The following CYB5RL variants were observed in gnomAD, a reference collection of about 807,000 sequenced individuals.
The protein encoded by CYB5RL is cytochrome b5 reductase like, also known as NADH-cytochrome b5 reductase-like.
Under a neutral mutation model 37.5 loss-of-function variants are expected in CYB5RL, and 38 were observed. That is an observed-to-expected ratio of 1.01 (90% CI 0.78 to 1.33). CYB5RL has a LOEUF of 1.33. Among genes scored for constraint, CYB5RL ranks in the 40% most tolerant of loss-of-function variants. The probability of loss-of-function intolerance (pLI) is 0.00; values close to 1 mark genes in which losing one functional copy is unlikely to be tolerated. For missense variants in CYB5RL, 388 were observed against 394.4 expected, an observed-to-expected ratio of 0.98 and a Z score of 0.14; for synonymous variants, 141 against 151.9, an observed-to-expected ratio of 0.93 and a Z score of 0.53.
intron 4 of CYB5RL, among the ~76,000 whole-genome samples, chr1:54,188,792 A>G (rs185080269): frequency 6.6e-6 from 1 of 152,156 alleles, no homozygotes; most frequent in African/African-American, 2.4e-5. Context: ...CTCAAGTCCT[A>G]CTACGTACAA....
intron 6 of CYB5RL, among the ~76,000 whole-genome samples, chr1:54,181,848 G>A (rs1240272039): frequency 1.3e-5 from 2 of 152,226 alleles, no homozygotes; most frequent in Non-Finnish European, 2.9e-5. Context: ...AGCTACTTGG[G>A]AGGCTGAGGC....
chr1:54,182,692 G>GGT (rs1169025269), intron 6 of CYB5RL, among the ~76,000 whole-genome samples: 5 of 152,264 alleles, frequency 3.3e-5, no homozygotes, highest in African/African-American at 1.2e-4. Flanking sequence ...TGGGATTACA[G>GGT]GTGTGTGCCA....
chr1:54,182,134 G>A (rs927050537), intron 6 of CYB5RL, among the ~76,000 whole-genome samples: 3 of 152,192 alleles, frequency 2.0e-5, no homozygotes, highest in African/African-American at 7.2e-5. Flanking sequence ...AAGCATCTGG[G>A]GGATGCAGGG....
chr1:54,177,227 G>A (rs868758077), intron 7 of CYB5RL, among the ~76,000 whole-genome samples: 9 of 152,064 alleles, frequency 5.9e-5, no homozygotes, highest in Non-Finnish European at 7.4e-5. Flanking sequence ...TGGCTGGTAC[G>A]GGGAGACTCT....
At position 54,195,490 on chromosome 1, in the gene CYB5RL, G is replaced by A. The variant is rs200848024; in HGVS notation, c.127C>T (p.Arg43Ter). The A allele has an allele frequency of 1.6e-4, 254 of 1,613,250 alleles. No homozygotes were observed. The highest frequency in any genetic ancestry group is 6.6e-4 in the Middle Eastern group (4 of 6,060). Residue 43 changes from arginine (R) to a stop codon, truncating the protein, a stop_gained, in exon 3 of 8, where the codon CGA becomes TGA. Coordinates refer to ENST00000534324, the MANE Select transcript of CYB5RL (RefSeq NM_001031672.4). LOFTEE classifies it high-confidence loss of function. ...GCTGCCTCCCACCTTGCCAGATCTC[G>A]GTGATAGAGGTCAAACACACAGGGT... Reference protein sequence around the residue: ...CSPCVFDLYHRDLARWEAAQA... With the variant: ...CSPCVFDLYH
chr1:54,177,139 G>GC (rs906344919), intron 7 of CYB5RL, among the ~76,000 whole-genome samples: 49 of 152,260 alleles, frequency 3.2e-4, no homozygotes, highest in African/African-American at 1.2e-3. Flanking sequence ...AGGGAGCCAG[G>GC]CAAGGGCTAG....
chr1:54,190,472 A>C lies in CYB5RL; in HGVS notation c.347+276T>G, dbSNP rs984280234. 1.3e-4 allele frequency: 75 copies of C among 591,606 alleles called. 1 individual carries two copies. In the African/African-American group the frequency reaches 1.3e-3, roughly 10 times the overall value. The allele number at this position is 591,606 out of a possible 1,614,324, so 36.6% of individuals were successfully genotyped here. ...TCTGGGGTATAACTGCACCTACCAC[A>C]CAGGATTTTGTGAGGGTTAAATGAT... is the stretch of plus-strand genomic sequence containing the variant. On this transcript the variant is annotated intron_variant, in intron 4 of 7. Transcript: ENST00000534324.
In CYB5RL at chr1:54,171,085, C is replaced by T. The variant is rs1326519316; in HGVS notation, c.*3534G>A. 11 of 454,780 alleles carry T rather than the reference C, an allele frequency of 2.4e-5. No homozygotes were observed. Among genetic ancestry groups the T allele is most frequent in the Non-Finnish European group, 4.4e-5 (10 of 226,012 alleles). 28.2% of individuals were successfully genotyped at this position (454,780 alleles called of 1,614,324 possible). A position where few individuals can be genotyped will look rare whatever the true frequency, so the allele number is the denominator to read the frequency against. On this transcript the variant is annotated 3_prime_UTR_variant, in exon 8 of 8. Coordinates refer to ENST00000534324, the MANE Select transcript of CYB5RL (RefSeq NM_001031672.4). ...CAGCGACAGAAAAGCACACAAGCCT[C>T]TCTGCTCACTGACCAAGCTGGAGTG...
chr1:54,195,662 A>C lies in CYB5RL; in HGVS notation c.-46T>G, dbSNP rs1369966652. Reference sequence around the variant, plus strand: ...AGAAGGAACAACTGGGTGCTCTTCCAGAACAGGCCAGGCTCTATGAGACCA... The same window carrying C: ...AGAAGGAACAACTGGGTGCTCTTCCCGAACAGGCCAGGCTCTATGAGACCA... On this transcript the variant is annotated 5_prime_UTR_variant, in exon 3 of 8. Coordinates refer to ENST00000534324, the MANE Select transcript of CYB5RL (RefSeq NM_001031672.4). The C allele has an allele frequency of 3.2e-6, 5 of 1,560,486 alleles. No homozygotes were observed. The Admixed American group carries it at 5.3e-5, about 17-fold the overall frequency.
chr1:54,195,399 C>T lies in CYB5RL; in HGVS notation c.198+20G>A, dbSNP rs3820111. On this transcript the variant is annotated intron_variant, in intron 3 of 7. Transcript: ENST00000534324. ...TAGATTGTTGCCCTGGTGCTCATAT[C>T]GAGAAGCAGCCTCTCTCACCTGTGA... 237 of 1,553,422 alleles carry T rather than the reference C, an allele frequency of 1.5e-4. 1 individual carries two copies. In the East Asian group the frequency reaches 3.6e-3, roughly 24 times the overall value.
intron 5 of CYB5RL, 155 bp from the exon 6 acceptor site, chr1:54,184,420 C>T (rs1660241140): frequency 1.6e-6 from 1 of 637,538 alleles, no homozygotes; most frequent in Non-Finnish European, 2.7e-6. Flanking sequence ...TTGGTACAGC[C>T]ATTCCCAATT....
rs929508428 is a variant in CYB5RL, at chr1:54,179,428, C to T, written c.541-76G>A. On this transcript the variant is annotated intron_variant, in intron 6 of 7. Transcript: ENST00000534324. The stretch of plus-strand genomic sequence containing the variant: ...TTATCCCCTCTACTATGGGACTTTT[C>T]CTTGAGCTTCCTTCAACTGGACGGC... 14 of 1,441,250 alleles carry T rather than the reference C, an allele frequency of 9.7e-6. No individual in the cohort carries two copies. In the Admixed American group the frequency reaches 1.2e-4, roughly 12 times the overall value. The allele number at this position is 1,441,250 out of a possible 1,614,324, so 89.3% of individuals were successfully genotyped here.
intron 6 of CYB5RL, among the ~76,000 whole-genome samples, chr1:54,183,796 A>G (rs796557856): frequency 1.3e-5 from 2 of 152,080 alleles, no homozygotes; most frequent in South Asian, 4.1e-4. Flanking sequence ...ACCAACATGG[A>G]GAAACCCTGT....
At chr1:54,183,066 T>C (rs894925240) in intron 6 of CYB5RL, among the ~76,000 whole-genome samples, 5 of 152,238 alleles carry the variant, frequency 3.3e-5, no homozygotes, top group Non-Finnish European at 7.3e-5. Context: ...TTTCATATTT[T>C]CTCTGTGCAT....
At chr1:54,177,774 C>T (rs1254419518) in intron 7 of CYB5RL, among the ~76,000 whole-genome samples, 1 of 152,192 alleles carries the variant, frequency 6.6e-6, no homozygotes, top group East Asian at 1.9e-4. Flanking sequence ...GAAGGGGAGT[C>T]CTTTTCAGCC....
At chr1:54,196,133 T>G (rs2100487563) in intron 2 of CYB5RL, among the ~76,000 whole-genome samples, 1 of 152,294 alleles carries the variant, frequency 6.6e-6, no homozygotes, top group Middle Eastern at 3.4e-3. Context: ...GTGCTCTGAG[T>G]GCCAGCTGAC....
intron 3 of CYB5RL, 127 bp from the exon 4 acceptor site, chr1:54,191,023 A>G (rs1056781201): frequency 9.6e-6 from 12 of 1,254,798 alleles, no homozygotes; most frequent in Non-Finnish European, 1.1e-5. Flanking sequence ...TAAACTGGAC[A>G]CTAGCCTCAC....
chr1:54,196,027 T>TA (rs1644004806), intron 2 of CYB5RL, among the ~76,000 whole-genome samples: 1 of 152,196 alleles, frequency 6.6e-6, no homozygotes, highest in Admixed American at 6.5e-5. Flanking sequence ...GAGGGTGTCT[T>TA]ATTCCTTTTG....
At chr1:54,178,284 G>A (rs1350662553) in intron 7 of CYB5RL, among the ~76,000 whole-genome samples, 3 of 152,116 alleles carry the variant, frequency 2.0e-5, no homozygotes, top group South Asian at 2.1e-4. Flanking sequence ...GCCTCATAGC[G>A]GGACCAGATG....
Sources: gnomAD v4.1 joint callset for allele counts (sites outside exome capture counted in the v4.1 genomes callset) on GRCh38, gnomAD v4.1.1 for gene constraint, MANE v1.5 for transcripts, NCBI Gene and HGNC (gene_info 2026-07-23, HGNC 2026-07-21) for gene names.